CFAP206: variants seen among roughly 807,000 people sequenced by gnomAD.
CFAP206 encodes the protein cilia and flagella associated protein 206, also known as cilia- and flagella-associated protein 206.
In CFAP206, 53 loss-of-function variants were observed where a neutral mutation model predicts 65.4. That is an observed-to-expected ratio of 0.81 (90% confidence interval 0.65 to 1.02). The LOEUF (loss-of-function observed/expected upper bound fraction) is 1.02. Among genes scored for constraint, CFAP206 ranks in the 50% least tolerant of loss-of-function variants. The pLI, the probability that CFAP206 is intolerant of heterozygous loss-of-function variation, is 0.00. For missense variants in CFAP206, 663 were observed against 753.2 expected (o/e 0.88, Z 1.40); for synonymous variants, 250 against 254.4 (o/e 0.98, Z 0.17).
intron 1 of CFAP206, among the ~76,000 whole-genome samples, chr6:87,409,489 A>C (rs1351853408): frequency 6.7e-6 from 1 of 149,242 alleles, no homozygotes; most frequent in Non-Finnish European, 1.5e-5. Flanking sequence ...CTGGGATTAC[A>C]GGCGTGAGCC....
rs376338058 is a variant in CFAP206 at position 87,461,108 on chromosome 6, G to A, written c.1581G>A (p.Thr527=). The change falls in exon 12 of 13, where the codon ACG becomes ACA. Residue 527 remains threonine (T), a synonymous_variant. Coordinates refer to ENST00000369562, the MANE Select transcript of CFAP206 (RefSeq NM_001031743.3). The part of the protein sequence containing the change: ...TQTNTHILPP[T]IVRSYEWNEW... ...CGAATACACACATACTGCCACCAACGATTGTGAGATCATATGAGTGGAATG... is the reference window on the plus strand; with the variant it reads ...CGAATACACACATACTGCCACCAACAATTGTGAGATCATATGAGTGGAATG... The A allele has an allele frequency of 1.3e-5, 20 of 1,591,744 alleles. No homozygotes were observed. In the African/African-American group the frequency reaches 1.6e-4, roughly 13 times the overall value.
chr6:87,422,470 G>T (rs1469952568), intron 7 of CFAP206, among the ~76,000 whole-genome samples: 1 of 127,310 alleles, frequency 7.9e-6, no homozygotes, highest in South Asian at 2.5e-4. Flanking sequence ...AAAAAAAAAA[G>T]GCCGGGTGCG....
intron 7 of CFAP206, among the ~76,000 whole-genome samples, chr6:87,419,435 T>A (rs1018158419): frequency 6.6e-6 from 1 of 152,130 alleles, no homozygotes; most frequent in African/African-American, 2.4e-5. Context: ...AAAACAGATA[T>A]CTACATAAAG....
At chr6:87,457,437 C>T (rs905287515) in intron 11 of CFAP206, among the ~76,000 whole-genome samples, 2 of 152,090 alleles carry the variant, frequency 1.3e-5, no homozygotes, top group Non-Finnish European at 2.9e-5. Flanking sequence ...CTATAGTAAG[C>T]AAAATAGCAT....
At chr6:87,454,866 A>G (rs1425837286) in intron 11 of CFAP206, among the ~76,000 whole-genome samples, 1 of 150,692 alleles carries the variant, frequency 6.6e-6, no homozygotes, top group African/African-American at 2.4e-5. Flanking sequence ...AAAACAAAAC[A>G]AAACAACAAA....
rs11330688 is a variant in CFAP206, at chr6:87,428,290, ATT to A, written c.961-324_961-323del. Among the ~76,000 whole-genome samples the A allele has an allele frequency of 1.5e-3, 215 of 142,958 alleles. 2 individuals are homozygous for A. The highest frequency in any genetic ancestry group is 5.6e-4 in the Admixed American group (8 of 14,286). The allele number at this position is 142,958 out of a possible 152,430, so 93.8% of individuals were successfully genotyped here. A position where few individuals can be genotyped will look rare whatever the true frequency, so the allele number is the denominator to read the frequency against. ...GGTGTGAGCTACTGTGCCTGGCCGTATTTTTTTTTTTTTCTTAAGACATTTTT... is the reference window on the plus strand; with the variant it reads ...GGTGTGAGCTACTGTGCCTGGCCGTATTTTTTTTTTTCTTAAGACATTTTT... On this transcript the variant is annotated intron_variant, in intron 8 of 12. Transcript: ENST00000369562.
At chr6:87,459,084 T>A (rs1431979949) in intron 11 of CFAP206, among the ~76,000 whole-genome samples, 1 of 152,178 alleles carries the variant, frequency 6.6e-6, no homozygotes, top group Non-Finnish European at 1.5e-5. Flanking sequence ...TTAAGTTTAA[T>A]ACATGTAATT....
chr6:87,454,451 A>C (rs1768601064), intron 11 of CFAP206, among the ~76,000 whole-genome samples: 1 of 152,186 alleles, frequency 6.6e-6, no homozygotes, highest in Non-Finnish European at 1.5e-5. Flanking sequence ...TAGCACATGG[A>C]TCAGTCTCAA....
chr6:87,420,661 G>A (rs1767925189), intron 7 of CFAP206, among the ~76,000 whole-genome samples: 1 of 152,166 alleles, frequency 6.6e-6, no homozygotes, highest in African/African-American at 2.4e-5. Flanking sequence ...TGATGATGAT[G>A]TTGTTTATGA....
Position 87,434,956 on chromosome 6 carries a change from A to G in CFAP206, c.1397A>G (p.Tyr466Cys), listed in dbSNP as rs767108961. ...AYSFAENPEH[Y>C]IDIVREKAKK... is the part of the protein sequence containing the mutation. ...TCATTTGCAGAAAATCCTGAACATT[A>G]TATTGACATAGTTAGAGAAAAGGCC... Residue 466 changes from tyrosine (Y) to cysteine (C), a missense_variant, in exon 11 of 13, where the codon TAT (tyrosine) becomes TGT (cysteine). Physicochemically the swap from Tyr to Cys is radical, Grantham distance 194 (BLOSUM62 -2). Transcript: ENST00000369562. 7 of 1,588,080 alleles carry G rather than the reference A, an allele frequency of 4.4e-6. No individual in the cohort carries two copies. The highest frequency in any genetic ancestry group is 5.2e-6 in the Non-Finnish European group (6 of 1,158,880).
In CFAP206 at chr6:87,461,047, T is replaced by C. The variant is rs1768736200; in HGVS notation, c.1520T>C (p.Ile507Thr). 4 of 1,584,548 alleles carry C rather than the reference T, an allele frequency of 2.5e-6. No individual in the cohort carries two copies. In the Admixed American group the frequency reaches 5.7e-5, roughly 23 times the overall value. ...ATGAGAGATGCTGACAAACATTATA[T>C]AAAACCAATTACAAAATGTGAAAGT... ...SQMRDADKHYIKPITKCESST... is the reference protein window; with the variant it reads ...SQMRDADKHYTKPITKCESST... The change falls in exon 12 of 13, where the codon ATA (isoleucine) becomes ACA (threonine). Residue 507 changes from isoleucine to threonine, a missense_variant. Coordinates refer to ENST00000369562, the MANE Select transcript of CFAP206 (RefSeq NM_001031743.3).
chr6:87,433,177 A>T (rs949757374), intron 10 of CFAP206, among the ~76,000 whole-genome samples: 6 of 152,156 alleles, frequency 3.9e-5, no homozygotes, highest in African/African-American at 1.4e-4. Flanking sequence ...AGCCTTCCCT[A>T]ATCACTCAAT....
intron 11 of CFAP206, among the ~76,000 whole-genome samples, chr6:87,446,471 C>A (rs2127955238): frequency 6.6e-6 from 1 of 152,028 alleles, no homozygotes; most frequent in South Asian, 2.1e-4. Flanking sequence ...ATAGGGCATC[C>A]TTTCCCCATT....
At chr6:87,447,967 T>TTATTATTATTATTAC (rs1582148579) in intron 11 of CFAP206, among the ~76,000 whole-genome samples, 1 of 150,906 alleles carries the variant, frequency 6.6e-6, no homozygotes, top group Admixed American at 6.6e-5. Context: ...ATTATTATTA[T>TTATTATTATTATTAC]TACTATACTT....
At chr6:87,418,066 G>A in intron 6 of CFAP206, 142 bp from the exon 7 acceptor site, 1 of 741,862 alleles carries the variant, frequency 1.3e-6, no homozygotes, top group Non-Finnish European at 2.2e-6. Flanking sequence ...TGGGACCCAG[G>A]AAACACATGC....
chr6:87,435,600 A>T (rs1768250841), intron 11 of CFAP206: 1 of 152,384 alleles, frequency 6.6e-6, no homozygotes, highest in South Asian at 2.1e-4. Context: ...TGGAACTCAC[A>T]TTTGAATGCC....
At position 87,409,951 on chromosome 6, in the gene CFAP206, AG is replaced by A; in HGVS notation, c.108+5del. On this transcript the variant is annotated splice_donor_5th_base_variant and intron_variant, in intron 2 of 12. Coordinates refer to ENST00000369562, the MANE Select transcript of CFAP206 (RefSeq NM_001031743.3). ...TGAAACTCTGATTGCTTTTATGGTA[AG>A]AAGAAATATTTTTGTGATTACTGTT... 1 of 1,585,958 alleles carries A rather than the reference AG, an allele frequency of 6.3e-7. No individual in the cohort carries two copies.
At chr6:87,450,517 T>TGTG in intron 11 of CFAP206, among the ~76,000 whole-genome samples, 1 of 107,294 alleles carries the variant, frequency 9.3e-6, no homozygotes, top group African/African-American at 3.2e-5. Flanking sequence ...GTGTGTGTAA[T>TGTG]TTTGGAGCTA....
chr6:87,458,379 A>G (rs1293727659), intron 11 of CFAP206, among the ~76,000 whole-genome samples: 1 of 152,162 alleles, frequency 6.6e-6, no homozygotes, highest in African/African-American at 2.4e-5. Context: ...CATATTTATT[A>G]CAGCACTATC....
Sources: allele counts gnomAD v4.1 joint callset (sites outside exome capture counted in the v4.1 genomes callset), GRCh38; gene constraint gnomAD v4.1.1; transcripts MANE v1.5; gene names NCBI Gene and HGNC (gene_info 2026-07-23, HGNC 2026-07-21).